The following IFT56 variants were observed in gnomAD, a reference collection of about 807,000 sequenced individuals.
IFT56 encodes intraflagellar transport protein 56.
At chr7:139,142,121 A>G in the IFT56 span, 2 of 887,560 alleles carry the variant, frequency 2.3e-6, no homozygotes, top group Non-Finnish European at 3.6e-6. Context: ...GACTCAAACA[A>G]TATGTATTCT....
At chr7:139,134,794 T>C in the IFT56 span, 1 of 1,612,492 alleles carries the variant, frequency 6.2e-7, no homozygotes, top group East Asian at 2.2e-5. Flanking sequence ...CTGTTGGAGG[T>C]AATGCCCAAA....
chr7:139,161,203 T>C, the IFT56 span: 1 of 506,140 alleles, frequency 2.0e-6, no homozygotes, highest in Non-Finnish European at 3.4e-6. Context: ...AAGGAAATCC[T>C]TGTTGGGAGA....
chr7:139,172,016 G>A, the IFT56 span, among the ~76,000 whole-genome samples: 2 of 151,852 alleles, frequency 1.3e-5, no homozygotes, highest in Admixed American at 6.6e-5. Flanking sequence ...TTCTTTTGCC[G>A]TCAATATCGA....
the IFT56 span, among the ~76,000 whole-genome samples, chr7:139,139,676 A>G: frequency 6.6e-6 from 1 of 152,322 alleles, no homozygotes; most frequent in African/African-American, 2.4e-5. Flanking sequence ...AAAAACCACA[A>G]GTATAAGATT....
the IFT56 span, among the ~76,000 whole-genome samples, chr7:139,169,533 AAG>A: frequency 6.6e-6 from 1 of 152,212 alleles, no homozygotes; most frequent in African/African-American, 2.4e-5. Flanking sequence ...AAAGTGGGAT[AAG>A]AGAATAAATA....
the IFT56 span, among the ~76,000 whole-genome samples, chr7:139,174,424 C>T: frequency 5.3e-5 from 8 of 152,126 alleles, no homozygotes; most frequent in African/African-American, 1.7e-4. Context: ...ACAAAGCACG[C>T]GTGAGGTTCC....
the IFT56 span, chr7:139,178,214 A>G: frequency 1.2e-6 from 2 of 1,612,302 alleles, no homozygotes; most frequent in Non-Finnish European, 1.7e-6. Flanking sequence ...TCCGTTTCAG[A>G]TACAATACCA....
At chr7:139,175,180 A>G in the IFT56 span, among the ~76,000 whole-genome samples, 1 of 152,188 alleles carries the variant, frequency 6.6e-6, no homozygotes, top group Non-Finnish European at 1.5e-5. Flanking sequence ...AAGACAGGCA[A>G]CAGTGAATGC....
At chr7:139,157,135 A>ATT in the IFT56 span, among the ~76,000 whole-genome samples, 2 of 76,832 alleles carry the variant, frequency 2.6e-5, no homozygotes, top group South Asian at 3.9e-4. Context: ...TAGATCTTTA[A>ATT]TTTCTTTTTT....
chr7:139,157,015 T>C, the IFT56 span, among the ~76,000 whole-genome samples: 1 of 152,182 alleles, frequency 6.6e-6, no homozygotes, highest in Non-Finnish European at 1.5e-5. Context: ...AAAACAAACC[T>C]GTCAGGATTT....
the IFT56 span, chr7:139,168,426 G>C: frequency 6.3e-7 from 1 of 1,585,480 alleles, no homozygotes; most frequent in Non-Finnish European, 8.7e-7. Context: ...ATAATCTATA[G>C]GTTGCAAAGT....
chr7:139,142,273 CA>C, the IFT56 span: 1 of 1,614,004 alleles, frequency 6.2e-7, no homozygotes, highest in Admixed American at 1.7e-5. Flanking sequence ...AAGCCGACTC[CA>C]AAACCGCCTC....
chr7:139,165,443 C>G, the IFT56 span, among the ~76,000 whole-genome samples: 1 of 151,824 alleles, frequency 6.6e-6, no homozygotes, highest in Admixed American at 6.6e-5. Flanking sequence ...CTCCCTCATT[C>G]TGTTTTTTCT....
At chr7:139,170,921 C>CA in the IFT56 span, among the ~76,000 whole-genome samples, 1 of 152,122 alleles carries the variant, frequency 6.6e-6, no homozygotes, top group East Asian at 1.9e-4. Context: ...TCCTTGTTTG[C>CA]AGATGATATG....
chr7:139,191,557 T>C, the IFT56 span: 2 of 152,346 alleles, frequency 1.3e-5, no homozygotes, highest in Non-Finnish European at 2.9e-5. Flanking sequence ...GCACTCTAGA[T>C]TCTCTCTGAC....
the IFT56 span, among the ~76,000 whole-genome samples, chr7:139,174,885 G>C: frequency 1.3e-5 from 2 of 152,188 alleles, no homozygotes; most frequent in African/African-American, 4.8e-5. Flanking sequence ...AGCTGGGCAT[G>C]GTGGTGGCAC....
the IFT56 span, among the ~76,000 whole-genome samples, chr7:139,186,426 TA>T: frequency 0.034 from 4,731 of 137,250 alleles, 95 homozygotes; most frequent in Non-Finnish European, 0.043. Flanking sequence ...ATCCTATCTC[TA>T]AAAAAAAAAA....
the IFT56 span, among the ~76,000 whole-genome samples, chr7:139,145,309 G>GA: frequency 1.3e-5 from 2 of 151,860 alleles, no homozygotes; most frequent in Admixed American, 1.3e-4. Flanking sequence ...TACCATTAGA[G>GA]AAAAAAATGG....
the IFT56 span, among the ~76,000 whole-genome samples, chr7:139,157,139 C>CT: frequency 0.52 from 42,103 of 80,608 alleles, 12,951 homozygotes; most frequent in Non-Finnish European, 0.72. Context: ...TCTTTAATTT[C>CT]TTTTTTTTTT....
Sources: allele counts gnomAD v4.1 joint callset (sites outside exome capture counted in the v4.1 genomes callset), GRCh38; gene constraint gnomAD v4.1.1; transcripts MANE v1.5; gene names NCBI Gene and HGNC (gene_info 2026-07-23, HGNC 2026-07-21).